SCLT1: variants seen among roughly 807,000 people sequenced by gnomAD.
SCLT1 encodes sodium channel-associated protein 1.
Under a neutral mutation model 112.8 loss-of-function variants are expected in SCLT1, and 78 were observed. The observed-to-expected ratio is 0.69, with a 90% CI of 0.58 to 0.83. SCLT1 has a LOEUF of 0.83. Among genes scored for constraint, SCLT1 ranks in the 40% least tolerant of loss-of-function variants. The pLI is 0.00. For missense variants in SCLT1, 747 were observed against 770.4 expected, an observed-to-expected ratio of 0.97 and a Z score of 0.36; for synonymous variants, 257 against 254.7, an observed-to-expected ratio of 1.01 and a Z score of -0.09.
At chr4:128,891,232 A>G (rs1236459975) in intron 18 of SCLT1, 95 bp from the exon 19 acceptor site, 1 of 908,500 alleles carries the variant, frequency 1.1e-6, no homozygotes, top group African/African-American at 1.7e-5. Flanking sequence ...TTGAACAAAA[A>G]TATCATCTTG....
intron 9 of SCLT1, among the ~76,000 whole-genome samples, chr4:128,983,246 A>G (rs1741822404): frequency 6.6e-6 from 1 of 152,202 alleles, no homozygotes; most frequent in African/African-American, 2.4e-5. Flanking sequence ...TCCTAGAAAG[A>G]TATAATAAAT....
intron 5 of SCLT1, among the ~76,000 whole-genome samples, chr4:129,015,978 C>T (rs1036652722): frequency 1.3e-5 from 2 of 152,150 alleles, no homozygotes; most frequent in Admixed American, 1.3e-4. Flanking sequence ...CTCTCTGCTT[C>T]TTACTGATAT....
intron 18 of SCLT1, among the ~76,000 whole-genome samples, chr4:128,928,882 A>T (rs1403670504): frequency 1.3e-5 from 2 of 152,166 alleles, no homozygotes; most frequent in Non-Finnish European, 2.9e-5. Flanking sequence ...TAGTAAAGTA[A>T]TAGCAAAAGG....
At position 128,939,989 on chromosome 4, in the gene SCLT1, C is replaced by A. The variant is rs146691530; in HGVS notation, c.1632+3007G>T. On this transcript the variant is annotated intron_variant, in intron 17 of 20. Transcript: ENST00000281142. ...ATTATAGCTAGTTAGTTAAGACGTTCGGCTCTTTATCAATGGCTATTCTCT... is the reference window on the plus strand; with the variant it reads ...ATTATAGCTAGTTAGTTAAGACGTTAGGCTCTTTATCAATGGCTATTCTCT... 1.6e-3 allele frequency among the ~76,000 whole-genome samples: 243 copies of A among 152,196 alleles called. 1 individual carries two copies. Among genetic ancestry groups the A allele is most frequent in the African/African-American group, 5.5e-3 (227 of 41,536 alleles).
At chr4:129,023,161 A>T (rs2126126425) in intron 5 of SCLT1, among the ~76,000 whole-genome samples, 1 of 152,362 alleles carries the variant, frequency 6.6e-6, no homozygotes. Context: ...AAATATGGAA[A>T]GGAAAAACCA....
At chr4:129,064,712 C>A (rs954461670) in intron 2 of SCLT1, among the ~76,000 whole-genome samples, 3 of 152,106 alleles carry the variant, frequency 2.0e-5, no homozygotes, top group Non-Finnish European at 4.4e-5. Context: ...AAACTATTTT[C>A]TAGCTTAATT....
intron 18 of SCLT1, among the ~76,000 whole-genome samples, chr4:128,923,259 A>G (rs1038500554): frequency 6.6e-6 from 1 of 152,088 alleles, no homozygotes; most frequent in African/African-American, 2.4e-5. Flanking sequence ...CAGCCTCGCC[A>G]ATATGGTGAA....
intron 17 of SCLT1, among the ~76,000 whole-genome samples, chr4:128,937,192 C>T (rs911001777): frequency 4.0e-5 from 6 of 151,302 alleles, no homozygotes; most frequent in Non-Finnish European, 7.4e-5. Context: ...GCAGGTGAAT[C>T]GCTTGAACCC....
At chr4:129,088,113 A>T (rs1752554270) in intron 1 of SCLT1, among the ~76,000 whole-genome samples, 1 of 152,032 alleles carries the variant, frequency 6.6e-6, no homozygotes. Context: ...AGCTGAACAC[A>T]CTAAAATTTT....
chr4:129,089,262 A>G (rs935990648), intron 1 of SCLT1, among the ~76,000 whole-genome samples: 1 of 152,258 alleles, frequency 6.6e-6, no homozygotes, highest in African/African-American at 2.4e-5. Flanking sequence ...AAAAATGCTC[A>G]TCATCACTGG....
At position 128,970,422 on chromosome 4, in the gene SCLT1, A is replaced by C. The variant is rs1740592414; in HGVS notation, c.733T>G (p.Leu245Val). Residue 245 changes from leucine to valine, a missense_variant, in exon 10 of 21, where the codon TTA becomes GTA. Transcript: ENST00000281142. Reference sequence around the variant, plus strand: ...TGCAGATCTTCAGTCACATTAGTTAACTCTTCCACTTTTGCTACAGCAACT... The same window carrying C: ...TGCAGATCTTCAGTCACATTAGTTACCTCTTCCACTTTTGCTACAGCAACT... ...LRVAVAKVEE[L>V]TNVTEDLQGQ... 1 of 1,609,998 alleles carries C rather than the reference A, an allele frequency of 6.2e-7. No homozygotes were observed. Among genetic ancestry groups the C allele is most frequent in the Admixed American group, 1.7e-5 (1 of 59,980 alleles).
At chr4:128,972,560 G>A (rs1019667297) in intron 9 of SCLT1, among the ~76,000 whole-genome samples, 6 of 152,126 alleles carry the variant, frequency 3.9e-5, no homozygotes, top group Non-Finnish European at 7.4e-5. Context: ...CATGCTGCAC[G>A]TCTCAAAGAC....
At chr4:129,026,825 G>C (rs1298299709) in intron 5 of SCLT1, among the ~76,000 whole-genome samples, 1 of 152,094 alleles carries the variant, frequency 6.6e-6, no homozygotes, top group African/African-American at 2.4e-5. Context: ...AAGAAGGAAA[G>C]AGAGAAGAAT....
At chr4:129,031,441 A>G (rs966413486) in intron 5 of SCLT1, among the ~76,000 whole-genome samples, 3 of 152,150 alleles carry the variant, frequency 2.0e-5, no homozygotes, top group African/African-American at 7.2e-5. Flanking sequence ...TATTAAACAT[A>G]GTATTGGAAG....
At chr4:129,005,307 A>T (rs569596983) in intron 5 of SCLT1, among the ~76,000 whole-genome samples, 1 of 152,302 alleles carries the variant, frequency 6.6e-6, no homozygotes, top group East Asian at 1.9e-4. Flanking sequence ...AAATGAAATG[A>T]AAAAATAGTA....
intron 14 of SCLT1, among the ~76,000 whole-genome samples, chr4:128,949,625 C>T (rs999646092): frequency 2.6e-5 from 4 of 151,892 alleles, no homozygotes; most frequent in African/African-American, 4.8e-5. Flanking sequence ...TGAGAACATG[C>T]GGTGTTTGGT....
chr4:129,007,188 C>G (rs1579675314), intron 5 of SCLT1, among the ~76,000 whole-genome samples: 1 of 151,774 alleles, frequency 6.6e-6, no homozygotes, highest in Non-Finnish European at 1.5e-5. Flanking sequence ...AAAACTATCA[C>G]GTGTACTTAG....
intron 2 of SCLT1, among the ~76,000 whole-genome samples, chr4:129,074,327 G>A (rs1397204786): frequency 6.6e-6 from 1 of 152,062 alleles, no homozygotes; most frequent in African/African-American, 2.4e-5. Context: ...AATAACAATT[G>A]CTAAGAAAAT....
At chr4:128,910,090 C>A (rs1367948809) in intron 18 of SCLT1, among the ~76,000 whole-genome samples, 1 of 152,168 alleles carries the variant, frequency 6.6e-6, no homozygotes, top group African/African-American at 2.4e-5. Flanking sequence ...TCACCGCATG[C>A]TTATACACAT....
Sources: gnomAD v4.1 joint callset for allele counts (sites outside exome capture counted in the v4.1 genomes callset) on GRCh38, gnomAD v4.1.1 for gene constraint, MANE v1.5 for transcripts, NCBI Gene and HGNC (gene_info 2026-07-23, HGNC 2026-07-21) for gene names.